Variants in NRXN1 observed in about 807,000 individuals in gnomAD.
NRXN1 encodes the protein neurexin-1.
Under a neutral mutation model 150.9 loss-of-function variants are expected in NRXN1, and 39 were observed. That is an observed-to-expected ratio of 0.26 (90% CI 0.20 to 0.34). The LOEUF (loss-of-function observed/expected upper bound fraction) is 0.34, where lower values mean the gene tolerates loss of function less well. Among genes scored for constraint, NRXN1 ranks in the 10% least tolerant of loss-of-function variants. The pLI is 1.00. For synonymous variants in NRXN1, 924 were observed against 757.0 expected (o/e 1.22, Z -3.62); for missense variants, 1,815 against 1,949.9 (o/e 0.93, Z 1.30).
At chr2:50,278,549 C>T (rs549954767) in intron 17 of NRXN1, among the ~76,000 whole-genome samples, 2 of 151,102 alleles carry the variant, frequency 1.3e-5, no homozygotes, top group African/African-American at 4.9e-5. Context: ...ATCAAGGGCC[C>T]CTGTATTTTG....
chr2:50,090,924 T>C (rs977729372), intron 19 of NRXN1, among the ~76,000 whole-genome samples: 21 of 152,190 alleles, frequency 1.4e-4, no homozygotes, highest in Non-Finnish European at 2.1e-4. Flanking sequence ...TTAGGTCTTA[T>C]TTTCTCTCAG....
At chr2:50,115,065 C>T (rs1455553129) in intron 18 of NRXN1, among the ~76,000 whole-genome samples, 2 of 151,436 alleles carry the variant, frequency 1.3e-5, no homozygotes, top group Non-Finnish European at 1.5e-5. Flanking sequence ...AATTACCACT[C>T]TAGTGAGGGA....
At chr2:50,278,938 T>C (rs2071036097) in intron 17 of NRXN1, among the ~76,000 whole-genome samples, 1 of 152,180 alleles carries the variant, frequency 6.6e-6, no homozygotes, top group Non-Finnish European at 1.5e-5. Flanking sequence ...AAAATATTAA[T>C]TCCTAAAATA....
chr2:50,936,570 T>C (rs1688572785), intron 2 of NRXN1, among the ~76,000 whole-genome samples: 1 of 152,180 alleles, frequency 6.6e-6, no homozygotes, highest in Admixed American at 6.6e-5. Flanking sequence ...AGACAATGTA[T>C]ATCTTGCAGC....
At chr2:50,158,401 T>A (rs745362106) in intron 18 of NRXN1, among the ~76,000 whole-genome samples, 3 of 151,776 alleles carry the variant, frequency 2.0e-5, no homozygotes, top group Non-Finnish European at 4.4e-5. Context: ...TACATTTTCT[T>A]ACAAGCATTT....
chr2:49,982,280 G>A (rs1680111018), intron 21 of NRXN1, among the ~76,000 whole-genome samples: 1 of 152,074 alleles, frequency 6.6e-6, no homozygotes, highest in Non-Finnish European at 1.5e-5. Context: ...TTGAATGATG[G>A]TAGAGTTAAT....
intron 21 of NRXN1, among the ~76,000 whole-genome samples, chr2:50,015,389 G>C (rs1686408416): frequency 6.6e-6 from 1 of 151,874 alleles, no homozygotes; most frequent in Admixed American, 6.6e-5. Flanking sequence ...CCTCCTAAGA[G>C]TTCATCTCAC....
At chr2:50,010,286 T>A (rs760037143) in intron 21 of NRXN1, among the ~76,000 whole-genome samples, 5 of 152,134 alleles carry the variant, frequency 3.3e-5, no homozygotes, top group Non-Finnish European at 5.9e-5. Context: ...GCCGAGATAA[T>A]TTCTGTCCCA....
At chr2:50,188,904 C>A (rs1017021011) in intron 18 of NRXN1, among the ~76,000 whole-genome samples, 1 of 152,006 alleles carries the variant, frequency 6.6e-6, no homozygotes, top group African/African-American at 2.4e-5. Flanking sequence ...TAGGATCGCT[C>A]TTAAACTGTT....
At chr2:50,430,490 G>T (rs568430795) in intron 17 of NRXN1, among the ~76,000 whole-genome samples, 30 of 152,280 alleles carry the variant, frequency 2.0e-4, no homozygotes, top group Admixed American at 1.9e-3. Flanking sequence ...CAACTATCTG[G>T]TTTTTAATTT....
chr2:49,995,126 A>G (rs1682713762), intron 21 of NRXN1, among the ~76,000 whole-genome samples: 1 of 152,208 alleles, frequency 6.6e-6, no homozygotes, highest in Admixed American at 6.5e-5. Flanking sequence ...TCTCACAGTG[A>G]TTGAAGAGGG....
intron 5 of NRXN1, among the ~76,000 whole-genome samples, chr2:50,752,125 T>C (rs1439322193): frequency 6.6e-6 from 1 of 151,928 alleles, no homozygotes; most frequent in Non-Finnish European, 1.5e-5. Context: ...TTACTTTTAA[T>C]CCAATTGAAT....
chr2:49,944,458 G>C (rs1672535622), intron 21 of NRXN1, among the ~76,000 whole-genome samples: 1 of 152,154 alleles, frequency 6.6e-6, no homozygotes, highest in Admixed American at 6.5e-5. Flanking sequence ...TAAATGAAAA[G>C]TGTATTCAAA....
intron 5 of NRXN1, among the ~76,000 whole-genome samples, chr2:50,682,025 A>G (rs1317556417): frequency 2.0e-5 from 3 of 152,216 alleles, no homozygotes; most frequent in African/African-American, 7.2e-5. Context: ...TACAGAAAAC[A>G]TAAATGTGCC....
chr2:50,121,676 G>A (rs1320269627), intron 18 of NRXN1, among the ~76,000 whole-genome samples: 1 of 152,160 alleles, frequency 6.6e-6, no homozygotes, highest in African/African-American at 2.4e-5. Flanking sequence ...CATAGAGTAA[G>A]ATACAAAACT....
At chr2:50,947,207 T>G (rs1270940675) in intron 2 of NRXN1, among the ~76,000 whole-genome samples, 1 of 152,040 alleles carries the variant, frequency 6.6e-6, no homozygotes, top group Non-Finnish European at 1.5e-5. Context: ...CAAAATCAAC[T>G]CATATCAAAA....
intron 15 of NRXN1, among the ~76,000 whole-genome samples, chr2:50,473,052 A>G (rs1446173963): frequency 1.3e-5 from 2 of 151,888 alleles, no homozygotes; most frequent in Non-Finnish European, 2.9e-5. Context: ...GAAGTTCAGT[A>G]AATTTCTTCT....
At chr2:50,874,900 A>G (rs1252801516) in intron 5 of NRXN1, among the ~76,000 whole-genome samples, 1 of 151,886 alleles carries the variant, frequency 6.6e-6, no homozygotes, top group Admixed American at 6.6e-5. Flanking sequence ...AAGCATTACT[A>G]TAATAAAATT....
At chr2:50,626,703 A>ACT (rs1246514997) in intron 5 of NRXN1, among the ~76,000 whole-genome samples, 2 of 151,946 alleles carry the variant, frequency 1.3e-5, no homozygotes, top group Non-Finnish European at 2.9e-5. Flanking sequence ...GAATGGAAGG[A>ACT]CTTCTAAAAT....
Sources: allele counts gnomAD v4.1 joint callset (sites outside exome capture counted in the v4.1 genomes callset), GRCh38; gene constraint gnomAD v4.1.1; transcripts MANE v1.5; gene names NCBI Gene and HGNC (gene_info 2026-07-23, HGNC 2026-07-21).